The following CYP20A1 variants were observed in gnomAD, a reference collection of about 807,000 sequenced individuals.
CYP20A1 encodes cytochrome P450 family 20 subfamily A member 1.
Under a neutral mutation model 61.4 loss-of-function variants are expected in CYP20A1, and 61 were observed. The observed-to-expected ratio is 0.99, with a 90% CI of 0.81 to 1.23. The LOEUF (loss-of-function observed/expected upper bound fraction) is 1.23, where lower values mean the gene tolerates loss of function less well. Ranked by LOEUF, CYP20A1 falls within the 50% of genes most tolerant of loss-of-function variation. CYP20A1 has a pLI of 0.00. For synonymous variants in CYP20A1, 193 were observed against 188.2 expected (o/e 1.03, Z -0.21); for missense variants, 530 against 542.4 (o/e 0.98, Z 0.23).
intron 6 of CYP20A1, among the ~76,000 whole-genome samples, chr2:203,275,585 G>A (rs554634763): frequency 3.6e-4 from 55 of 152,040 alleles, no homozygotes; most frequent in African/African-American, 8.9e-4. Flanking sequence ...GATTACAGAC[G>A]CCTGCCGCCG....
chr2:203,301,073 T>G lies in CYP20A1; in HGVS notation c.*4165T>G, dbSNP rs1264658932. Among the ~76,000 whole-genome samples, 1 of 150,900 alleles carries G rather than the reference T, an allele frequency of 6.6e-6. No individual in the cohort carries two copies. Among genetic ancestry groups the G allele is most frequent in the East Asian group, 2.0e-4 (1 of 5,120 alleles). On this transcript the variant is annotated 3_prime_UTR_variant, in exon 13 of 13. Transcript: ENST00000356079. ...TAGCCGGGCGTGGTGGCACATGCCT[T>G]TAATCCCAGCTACTGGGGAGGCTGA...
At chr2:203,272,576 T>TA (rs759938407) in intron 5 of CYP20A1, 94 bp from the exon 6 acceptor site, 1 of 458,452 alleles carries the variant, frequency 2.2e-6, no homozygotes. Context: ...AAAAAAGAGT[T>TA]AAAGAGTTCC....
rs2069122835 is a variant in CYP20A1 at position 203,303,962 on chromosome 2, G to T, written c.*7054G>T. 6.6e-6 allele frequency among the ~76,000 whole-genome samples: 1 copy of T among 151,768 alleles called. No individual in the cohort carries two copies. The highest frequency in any genetic ancestry group is 1.5e-5 in the Non-Finnish European group (1 of 67,998). On this transcript the variant is annotated 3_prime_UTR_variant, in exon 13 of 13. Coordinates refer to ENST00000356079, the MANE Select transcript of CYP20A1 (RefSeq NM_177538.3). ...TTGGCTGGTGCCGTGGCTCACACCT[G>T]TAATCCCAGCACTTTGGGAGTCCAA... is the stretch of plus-strand genomic sequence containing the variant.
intron 4 of CYP20A1, among the ~76,000 whole-genome samples, chr2:203,254,128 A>G (rs1041968476): frequency 6.6e-5 from 10 of 151,250 alleles, no homozygotes; most frequent in Admixed American, 5.3e-4. Context: ...TTGTATTTTT[A>G]GTAGAGATGG....
chr2:203,257,945 G>T (rs2066963976), intron 4 of CYP20A1, among the ~76,000 whole-genome samples: 5 of 152,290 alleles, frequency 3.3e-5, no homozygotes, highest in Admixed American at 6.5e-5. Context: ...ACTGTTGCCT[G>T]GGCTCAAGTG....
Sources: gnomAD v4.1 joint callset for allele counts (sites outside exome capture counted in the v4.1 genomes callset) on GRCh38, gnomAD v4.1.1 for gene constraint, MANE v1.5 for transcripts, NCBI Gene and HGNC (gene_info 2026-07-23, HGNC 2026-07-21) for gene names.